CHN1: variants seen among roughly 807,000 people sequenced by gnomAD.
CHN1 encodes chimerin 1, also known as N-chimaerin.
In CHN1, 37 loss-of-function variants were observed where a neutral mutation model predicts 59.5. The observed-to-expected ratio is 0.62, with a 90% CI of 0.48 to 0.82. The LOEUF (loss-of-function observed/expected upper bound fraction) is 0.82. Ranked by LOEUF, CHN1 falls within the 40% of genes least tolerant of loss-of-function variation. The pLI, the probability that CHN1 is intolerant of heterozygous loss-of-function variation, is 0.00. For missense variants in CHN1, 469 were observed against 571.0 expected, an observed-to-expected ratio of 0.82 and a Z score of 1.82; for synonymous variants, 206 against 200.4, an observed-to-expected ratio of 1.03 and a Z score of -0.24.
Position 174,808,980 on chromosome 2 carries a change from G to C in CHN1, c.1027C>G (p.Leu343Val). Residue 343 changes from leucine to valine, a missense_variant, in exon 11 of 13, where the codon CTT (leucine) becomes GTT (valine). By Grantham distance (32) the Leu-to-Val change is conservative (BLOSUM62 1). Coordinates refer to ENST00000409900, the MANE Select transcript of CHN1 (RefSeq NM_001822.7). ...YEDINIITGA[L>V]KLYFRDLPIP... is the part of the protein sequence containing the mutation. ...GGCAAATCCCTGAAGTACAGTTTAAGTGCACCAGTGATAATGTTGATATCT... is the reference window on the plus strand; with the variant it reads ...GGCAAATCCCTGAAGTACAGTTTAACTGCACCAGTGATAATGTTGATATCT... 6.2e-7 allele frequency: 1 copy of C among 1,613,366 alleles called. No individual in the cohort carries two copies. The highest frequency in any genetic ancestry group is 8.5e-7 in the Non-Finnish European group (1 of 1,179,414).
chr2:174,883,986 T>A (rs113616212), intron 5 of CHN1, among the ~76,000 whole-genome samples: 7,037 of 148,328 alleles, frequency 0.047, 536 homozygotes, highest in African/African-American at 0.16. Flanking sequence ...TTTTTTTTTT[T>A]AGACGTAGTC....
intron 7 of CHN1, among the ~76,000 whole-genome samples, chr2:174,843,974 C>CTG (rs34733435): frequency 0.36 from 54,661 of 149,956 alleles, 11,136 homozygotes; most frequent in Admixed American, 0.53. Flanking sequence ...CTCTCTTTCT[C>CTG]TGTGTGTGTG....
intron 1 of CHN1, among the ~76,000 whole-genome samples, chr2:174,977,138 C>T (rs1048505263): frequency 2.9e-4 from 44 of 152,124 alleles, no homozygotes; most frequent in African/African-American, 7.7e-4. Flanking sequence ...TTTTAGGCTG[C>T]AAAACAAACC....
intron 3 of CHN1, among the ~76,000 whole-genome samples, chr2:174,929,086 C>T (rs1410874109): frequency 6.6e-6 from 1 of 152,206 alleles, no homozygotes; most frequent in Admixed American, 6.5e-5. Context: ...AGATACCTGC[C>T]TTCCTACCCA....
chr2:174,881,914 CTG>C (rs1687750011), intron 5 of CHN1, among the ~76,000 whole-genome samples: 1 of 152,160 alleles, frequency 6.6e-6, no homozygotes, highest in African/African-American at 2.4e-5. Flanking sequence ...AAGGAGAAAG[CTG>C]AGAGATTTAC....
intron 1 of CHN1, among the ~76,000 whole-genome samples, chr2:174,996,227 G>T (rs1691703044): frequency 6.6e-6 from 1 of 152,094 alleles, no homozygotes; most frequent in Non-Finnish European, 1.5e-5. Context: ...TGTCATAGTG[G>T]CCAGCACTAT....
chr2:174,919,409 C>T lies in CHN1; in HGVS notation c.115-844G>A, dbSNP rs567438780. 2.6e-5 allele frequency among the ~76,000 whole-genome samples: 3 copies of T among 115,934 alleles called. No homozygotes were observed. The South Asian group carries it at 7.1e-4, about 27-fold the overall frequency. The allele number at this position is 115,934 out of a possible 152,430, so 76.1% of individuals were successfully genotyped here. On this transcript the variant is annotated intron_variant, in intron 3 of 12. Coordinates refer to ENST00000409900, the MANE Select transcript of CHN1 (RefSeq NM_001822.7). ...AAAGTGAGTCCTGAATGACAAGATG[C>T]CAACTCCGACTGTTCATAGGAACAG...
intron 6 of CHN1, among the ~76,000 whole-genome samples, chr2:174,873,344 C>CA (rs1162275382): frequency 6.6e-6 from 1 of 152,066 alleles, no homozygotes. Context: ...CAAGGAATGA[C>CA]AAAAAAGGCC....
intron 5 of CHN1, among the ~76,000 whole-genome samples, chr2:174,904,147 CAGCTA>C (rs901628829): frequency 6.6e-6 from 1 of 151,790 alleles, no homozygotes; most frequent in Non-Finnish European, 1.5e-5. Flanking sequence ...CCTGTAGTCC[CAGCTA>C]CTCGGGAGGC....
rs151099872 is a variant in CHN1 at position 174,966,211 on chromosome 2, T to TG, written c.20-14010dup. Among the ~76,000 whole-genome samples, 531 of 152,274 alleles carry TG rather than the reference T, an allele frequency of 3.5e-3. 5 individuals are homozygous for TG. The highest frequency in any genetic ancestry group is 0.012 in the African/African-American group (490 of 41,566). ...TAGAAGCAACGAAGTCATTTAAAATTGTTCCAAGTTGAAAACTGATGTGTC... is the reference window on the plus strand; with the variant it reads ...TAGAAGCAACGAAGTCATTTAAAATTGGTTCCAAGTTGAAAACTGATGTGTC... On this transcript the variant is annotated intron_variant, in intron 1 of 12. Transcript: ENST00000409900.
At chr2:174,814,942 T>C (rs938767127) in intron 8 of CHN1, among the ~76,000 whole-genome samples, 1 of 152,182 alleles carries the variant, frequency 6.6e-6, no homozygotes, top group Non-Finnish European at 1.5e-5. Context: ...TTCACCATAT[T>C]TGGGGAGTTT....
At position 174,875,855 on chromosome 2, in the gene CHN1, T is replaced by C. The variant is rs1687548965; in HGVS notation, c.549+1985A>G. ...TGAACAGGTCATCAACCCTGTCCTG[T>C]TGGATGACACCTGTAAATAAAATAA... is the stretch of plus-strand genomic sequence containing the variant. On this transcript the variant is annotated intron_variant, in intron 6 of 12. Transcript: ENST00000409900. 5 of 983,898 alleles carry C rather than the reference T, an allele frequency of 5.1e-6. No individual in the cohort carries two copies. The South Asian group carries it at 1.9e-4, about 37-fold the overall frequency. The allele number at this position is 983,898 out of a possible 1,614,324, so 60.9% of individuals were successfully genotyped here. A position where few individuals can be genotyped will look rare whatever the true frequency, so the allele number is the denominator to read the frequency against.
At chr2:174,847,576 C>A in intron 6 of CHN1, 1 of 1,279,338 alleles carries the variant, frequency 7.8e-7, no homozygotes, top group Non-Finnish European at 1.0e-6. Context: ...TAGCAACAGA[C>A]ACCCTATGAA....
intron 5 of CHN1, among the ~76,000 whole-genome samples, chr2:174,881,222 C>A (rs1422355479): frequency 6.6e-6 from 1 of 152,092 alleles, no homozygotes; most frequent in East Asian, 1.9e-4. Flanking sequence ...CAGAGCACAA[C>A]AATTAGGCTT....
intron 5 of CHN1, among the ~76,000 whole-genome samples, chr2:174,909,075 C>T (rs1688619526): frequency 6.6e-6 from 1 of 152,186 alleles, no homozygotes; most frequent in African/African-American, 2.4e-5. Context: ...TTGGAACTCA[C>T]ACCTGGTTTT....
At chr2:174,826,594 T>A (rs774406533) in intron 7 of CHN1, among the ~76,000 whole-genome samples, 1 of 152,220 alleles carries the variant, frequency 6.6e-6, no homozygotes, top group Non-Finnish European at 1.5e-5. Flanking sequence ...ATCTGAAAGT[T>A]AAACAGGGAG....
At chr2:174,828,051 T>C (rs1473153077) in intron 7 of CHN1, among the ~76,000 whole-genome samples, 1 of 152,064 alleles carries the variant, frequency 6.6e-6, no homozygotes, top group Non-Finnish European at 1.5e-5. Flanking sequence ...TCCCCTTCCC[T>C]GAGTTGGGAG....
chr2:174,857,023 C>T (rs2105448269), intron 6 of CHN1, among the ~76,000 whole-genome samples: 1 of 152,208 alleles, frequency 6.6e-6, no homozygotes, highest in Middle Eastern at 3.4e-3. Flanking sequence ...ATCAGAATGG[C>T]ACTTGTCTAG....
intron 2 of CHN1, among the ~76,000 whole-genome samples, chr2:174,950,385 G>C (rs62184797): frequency 0.3 from 45,118 of 151,386 alleles, 8,120 homozygotes; most frequent in Admixed American, 0.45. Context: ...TCCTGTCTCA[G>C]CCTCCCAAGT....
Sources: gnomAD v4.1 joint callset for allele counts (sites outside exome capture counted in the v4.1 genomes callset) on GRCh38, gnomAD v4.1.1 for gene constraint, MANE v1.5 for transcripts, NCBI Gene and HGNC (gene_info 2026-07-23, HGNC 2026-07-21) for gene names.